RIPOR2: variants seen among roughly 807,000 people sequenced by gnomAD.
RIPOR2 encodes the protein rho family-interacting cell polarization regulator 2.
RIPOR2 carries 39 observed loss-of-function variants against 114.5 expected under a neutral mutation model. The ratio of observed to expected loss-of-function variants is 0.34; its 90% CI spans 0.26 to 0.44. The LOEUF (loss-of-function observed/expected upper bound fraction) is 0.44. RIPOR2 is among the 20% of genes least tolerant of loss of function. The probability of loss-of-function intolerance (pLI) is 1.00; values close to 1 mark genes in which losing one functional copy is unlikely to be tolerated. For synonymous variants in RIPOR2, 445 were observed against 484.4 expected (o/e 0.92, Z 1.07); for missense variants, 1,007 against 1,255.1 (o/e 0.80, Z 2.99).
intron 1 of RIPOR2, among the ~76,000 whole-genome samples, chr6:24,919,595 A>C (rs1480308334): frequency 2.0e-5 from 3 of 152,158 alleles, no homozygotes; most frequent in African/African-American, 7.2e-5. Context: ...ACCCTCCCCC[A>C]AAAAGCCTCA....
chr6:25,019,881 T>G (rs1776235564), intron 1 of RIPOR2, among the ~76,000 whole-genome samples: 1 of 151,242 alleles, frequency 6.6e-6, no homozygotes, highest in South Asian at 2.1e-4. Flanking sequence ...AAAAATCCAG[T>G]TTTTTGAAGA....
At chr6:24,991,211 G>T (rs1375910252) in intron 1 of RIPOR2, among the ~76,000 whole-genome samples, 1 of 152,184 alleles carries the variant, frequency 6.6e-6, no homozygotes, top group African/African-American at 2.4e-5. Flanking sequence ...AGTGTTGAAG[G>T]CTGATGCAGC....
At chr6:24,966,420 A>G (rs926185104) in intron 1 of RIPOR2, among the ~76,000 whole-genome samples, 3 of 152,202 alleles carry the variant, frequency 2.0e-5, no homozygotes, top group Non-Finnish European at 2.9e-5. Flanking sequence ...AAAATTACCT[A>G]GCCTCCCTCC....
chr6:24,825,467 T>G, intron 18 of RIPOR2, 39 bp from the exon 19 acceptor site: 1 of 1,411,000 alleles, frequency 7.1e-7, no homozygotes. Flanking sequence ...TGTTCTGACA[T>G]GCTAAAGTAA....
At chr6:24,932,773 C>T (rs1771503217) in intron 1 of RIPOR2, among the ~76,000 whole-genome samples, 1 of 152,164 alleles carries the variant, frequency 6.6e-6, no homozygotes, top group East Asian at 1.9e-4. Context: ...AATATAGTTG[C>T]CCTAATAACA....
chr6:25,028,685 T>C (rs1215078506), intron 1 of RIPOR2, among the ~76,000 whole-genome samples: 2 of 152,128 alleles, frequency 1.3e-5, no homozygotes, highest in African/African-American at 2.4e-5. Context: ...AAGAAAAAAA[T>C]TGGGGGGCAG....
intron 7 of RIPOR2, among the ~76,000 whole-genome samples, chr6:24,863,572 A>G (rs1198385825): frequency 3.3e-5 from 5 of 152,242 alleles, no homozygotes; most frequent in Non-Finnish European, 7.3e-5. Flanking sequence ...CTTCTAGGCC[A>G]GGAATTTTCA....
At chr6:24,948,033 T>C (rs976190203) in intron 1 of RIPOR2, 1 of 152,134 alleles carries the variant, frequency 6.6e-6, no homozygotes, top group Non-Finnish European at 1.5e-5. Flanking sequence ...CATAGATGCC[T>C]AAAAAATCGA....
At chr6:25,013,410 C>T (rs201216059) in intron 1 of RIPOR2, among the ~76,000 whole-genome samples, 2 of 152,030 alleles carry the variant, frequency 1.3e-5, no homozygotes, top group Admixed American at 6.6e-5. Context: ...GAGGCTATAG[C>T]GGGGTGTGGA....
chr6:24,934,746 C>T (rs946497931), intron 1 of RIPOR2, among the ~76,000 whole-genome samples: 48 of 152,252 alleles, frequency 3.2e-4, no homozygotes, highest in African/African-American at 1.1e-3. Flanking sequence ...TCTAAAAAAG[C>T]TTTTGCCTAT....
At chr6:24,988,136 G>A (rs1462220426) in intron 1 of RIPOR2, among the ~76,000 whole-genome samples, 4 of 152,082 alleles carry the variant, frequency 2.6e-5, no homozygotes, top group Non-Finnish European at 5.9e-5. Context: ...ATTAACCCAG[G>A]ACTAAAATAA....
intron 13 of RIPOR2, chr6:24,840,656 C>T: frequency 6.5e-7 from 1 of 1,533,262 alleles, no homozygotes; most frequent in Non-Finnish European, 8.7e-7. Flanking sequence ...CAAGATGGCA[C>T]AAAAGCACAT....
At chr6:24,963,336 T>C (rs1452022962) in intron 1 of RIPOR2, among the ~76,000 whole-genome samples, 5 of 152,206 alleles carry the variant, frequency 3.3e-5, no homozygotes, top group African/African-American at 9.6e-5. Context: ...CCTGGTCGCA[T>C]GTGTTTACCC....
rs909858057 is a variant in RIPOR2 at position 24,924,743 on chromosome 6, G to C, written c.61+11095C>G. Among the ~76,000 whole-genome samples, 7 of 152,256 alleles carry C rather than the reference G, an allele frequency of 4.6e-5. No homozygotes were observed. In the South Asian group the frequency reaches 6.2e-4, roughly 14 times the overall value. ...CAGACATGAAAAGGAAGAAAGAGATGATACAAAAGGGGAAGAGGAAGAGAG... is the reference window on the plus strand; with the variant it reads ...CAGACATGAAAAGGAAGAAAGAGATCATACAAAAGGGGAAGAGGAAGAGAG... On this transcript the variant is annotated intron_variant, in intron 1 of 21. Coordinates refer to ENST00000643898, the MANE Select transcript of RIPOR2 (RefSeq NM_001286445.3).
intron 1 of RIPOR2, among the ~76,000 whole-genome samples, chr6:24,915,942 T>G (rs1357346498): frequency 6.6e-6 from 1 of 152,172 alleles, no homozygotes; most frequent in Non-Finnish European, 1.5e-5. Context: ...CAGCTCTGGC[T>G]CTTCTCACCC....
intron 10 of RIPOR2, 125 bp from the exon 11 acceptor site, chr6:24,850,075 G>A: frequency 1.3e-6 from 1 of 741,728 alleles, no homozygotes; most frequent in Non-Finnish European, 2.1e-6. Context: ...GAAATCAGAA[G>A]CGGATTTTCA....
intron 1 of RIPOR2, among the ~76,000 whole-genome samples, chr6:24,897,662 T>C (rs987904332): frequency 6.6e-6 from 1 of 152,160 alleles, no homozygotes; most frequent in Non-Finnish European, 1.5e-5. Flanking sequence ...TTCCTGAGAG[T>C]TGGCTCCGAG....
intron 1 of RIPOR2, among the ~76,000 whole-genome samples, chr6:24,986,962 A>C (rs115853462): frequency 5.6e-4 from 85 of 152,286 alleles, no homozygotes; most frequent in African/African-American, 2.0e-3. Context: ...TGTTTTTAAA[A>C]AGTTTACAAA....
intron 15 of RIPOR2, among the ~76,000 whole-genome samples, chr6:24,834,568 T>C (rs1337170174): frequency 6.6e-6 from 1 of 151,922 alleles, no homozygotes; most frequent in Non-Finnish European, 1.5e-5. Flanking sequence ...TTTAGACAAT[T>C]CAGCATGGTA....
Sources: gnomAD v4.1 joint callset for allele counts (sites outside exome capture counted in the v4.1 genomes callset) on GRCh38, gnomAD v4.1.1 for gene constraint, MANE v1.5 for transcripts, NCBI Gene and HGNC (gene_info 2026-07-23, HGNC 2026-07-21) for gene names.